The following PCNX1 variants were observed in gnomAD, a reference collection of about 807,000 sequenced individuals.
PCNX1 encodes the protein pecanex-like protein 1.
PCNX1 carries 78 observed loss-of-function variants against 242.2 expected under a neutral mutation model. That is an observed-to-expected ratio of 0.32 (90% CI 0.27 to 0.39). The LOEUF is 0.39. Ranked by LOEUF, PCNX1 falls within the 10% of genes least tolerant of loss-of-function variation. The pLI, the probability that PCNX1 is intolerant of heterozygous loss-of-function variation, is 1.00. For synonymous variants in PCNX1, 1,024 were observed against 1,032.9 expected, an observed-to-expected ratio of 0.99 and a Z score of 0.17; for missense variants, 2,581 against 2,856.5, an observed-to-expected ratio of 0.90 and a Z score of 2.20.
rs1159328654 is a variant in PCNX1, at chr14:70,954,763, T to C, written c.363-7463T>C. ...ATACTTCTTGTTTAATTTTTTTCAC[T>C]GGCTATGATATGTAGCACATGGTTA... On this transcript the variant is annotated intron_variant, in intron 2 of 35. Transcript: ENST00000304743. Among the ~76,000 whole-genome samples the C allele has an allele frequency of 1.3e-5, 2 of 152,214 alleles. 1 individual carries two copies.
At chr14:71,031,569 G>T in intron 16 of PCNX1, 17 of 475,874 alleles carry the variant, frequency 3.6e-5, no homozygotes, top group South Asian at 3.4e-4. Context: ...AACCTCCTGA[G>T]ACAGAAGGGG....
In PCNX1 at chr14:70,977,347, G is replaced by T. The variant is rs749711841; in HGVS notation, c.1010G>T (p.Gly337Val). The stretch of plus-strand genomic sequence containing the variant: ...TTGGTGGAAAATTCTGGTTTATCTG[G>T]GGAATTTCAGCTTGCTGGTGACTTG... Reference protein sequence around the residue: ...ESLVENSGLSGEFQLAGDLKI... With the variant: ...ESLVENSGLSVEFQLAGDLKI... The change falls in exon 6 of 36, where the codon GGG (glycine) becomes GTG (valine). Residue 337 changes from glycine to valine, a missense_variant. By Grantham distance (109) the Gly-to-Val change is moderately radical. Transcript: ENST00000304743. 1 of 1,614,072 alleles carries T rather than the reference G, an allele frequency of 6.2e-7. No individual in the cohort carries two copies. Among genetic ancestry groups the T allele is most frequent in the South Asian group, 1.1e-5 (1 of 91,074 alleles).
chr14:70,959,220 TC>T (rs1285989311), intron 2 of PCNX1, among the ~76,000 whole-genome samples: 1 of 110,018 alleles, frequency 9.1e-6, no homozygotes, highest in Non-Finnish European at 2.3e-5. Flanking sequence ...GTTCCTGTTA[TC>T]TTTTTTTTTT....
chr14:71,106,466 G>A (rs946460872), intron 33 of PCNX1, among the ~76,000 whole-genome samples: 2 of 151,758 alleles, frequency 1.3e-5, no homozygotes, highest in African/African-American at 4.8e-5. Flanking sequence ...ATAGGTTAGA[G>A]ACTTTAAAAA....
chr14:70,909,937 G>C (rs1272463181), intron 1 of PCNX1, among the ~76,000 whole-genome samples: 7 of 151,826 alleles, frequency 4.6e-5, no homozygotes, highest in African/African-American at 1.5e-4. Context: ...AGTACATGCG[G>C]TTAGCATGAC....
At chr14:70,969,375 G>A (rs1047317207) in intron 5 of PCNX1, 39 of 299,744 alleles carry the variant, frequency 1.3e-4, no homozygotes, top group African/African-American at 7.4e-4. Context: ...TATGAGATGG[G>A]AGATAAGAAT....
Position 70,907,956 on chromosome 14 carries a change from C to T in PCNX1, c.106C>T (p.Leu36Phe), listed in dbSNP as rs755503492. Residue 36 changes from leucine (L) to phenylalanine (F), a missense_variant, in exon 1 of 36, where the codon CTC (leucine) becomes TTC (phenylalanine). By Grantham distance (22) the Leu-to-Phe change is conservative. This residue lies in a region of PCNX1 where 1,204 missense variants were observed against 1,216.7 expected (regional missense o/e 0.99). Transcript: ENST00000304743. The part of the protein sequence containing the change: ...HQATFVNALH[L>F]YLWLFLLGLP... The stretch of plus-strand genomic sequence containing the variant: ...GGCCACCTTCGTGAACGCGCTGCAC[C>T]TCTACCTGTGGCTCTTTCTGCTGGG... 3 of 1,598,384 alleles carry T rather than the reference C, an allele frequency of 1.9e-6. No individual in the cohort carries two copies. Among genetic ancestry groups the T allele is most frequent in the Non-Finnish European group, 2.6e-6 (3 of 1,173,660 alleles).
Position 70,977,271 on chromosome 14 carries a change from C to T in PCNX1, c.934C>T (p.Pro312Ser), listed in dbSNP as rs963548088. ...PLYQQRRGLD[P>S]VSELESSKPL... ...TTATCAGCAAAGACGTGGATTAGAT[C>T]CAGTTAGTGAGTTAGAATCTTCCAA... Residue 312 changes from proline (P) to serine (S), a missense_variant, in exon 6 of 36, where the codon CCA (proline) becomes TCA (serine). Transcript: ENST00000304743. 3.1e-6 allele frequency: 5 copies of T among 1,614,018 alleles called. No homozygotes were observed. In the African/African-American group the frequency reaches 6.7e-5, roughly 22 times the overall value.
chr14:70,989,728 T>C (rs1566666152), intron 7 of PCNX1, among the ~76,000 whole-genome samples: 1 of 151,966 alleles, frequency 6.6e-6, no homozygotes, highest in Admixed American at 6.6e-5. Flanking sequence ...AGGGTTTTTT[T>C]GCCTTGTTGG....
chr14:71,022,484 A>G (rs546996566), intron 12 of PCNX1, among the ~76,000 whole-genome samples: 1 of 152,314 alleles, frequency 6.6e-6, no homozygotes, highest in East Asian at 1.9e-4. Context: ...AATCTAGCCA[A>G]GGGCCAAATG....
In PCNX1 at chr14:71,057,847, A is replaced by G. The variant is rs574147509; in HGVS notation, c.4852+123A>G. The G allele has an allele frequency of 4.9e-5, 35 of 719,116 alleles. 2 individuals carry two copies. The Middle Eastern group carries it at 1.9e-3, about 40-fold the overall frequency. 44.5% of individuals were successfully genotyped at this position (719,116 alleles called of 1,614,324 possible). On this transcript the variant is annotated intron_variant, in intron 26 of 35. Coordinates refer to ENST00000304743, the MANE Select transcript of PCNX1 (RefSeq NM_014982.3). ...ATATTTGGGATTGTGGAATGAGAAAAGTTGTTAAAGAGTAAGTATTAGATT... is the reference window on the plus strand; with the variant it reads ...ATATTTGGGATTGTGGAATGAGAAAGGTTGTTAAAGAGTAAGTATTAGATT...
At position 71,114,076 on chromosome 14, in the gene PCNX1, TGTG is replaced by T. The variant is rs758875895; in HGVS notation, c.*4144_*4146del. 6 of 152,232 alleles carry T rather than the reference TGTG, an allele frequency of 3.9e-5. No homozygotes were observed. In the East Asian group the frequency reaches 7.7e-4, roughly 19 times the overall value. The allele number at this position is 152,232 out of a possible 1,614,324, so 9.4% of individuals were successfully genotyped here. The stretch of plus-strand genomic sequence containing the variant: ...AGATAATAACGTCAGTCAAGGCTAA[TGTG>T]GTACATGGAACTTGCTAATGGAGGT... On this transcript the variant is annotated 3_prime_UTR_variant, in exon 36 of 36. Transcript: ENST00000304743.
chr14:70,933,332 A>C (rs2056875994), intron 1 of PCNX1, among the ~76,000 whole-genome samples: 1 of 152,166 alleles, frequency 6.6e-6, no homozygotes, highest in South Asian at 2.1e-4. Flanking sequence ...TAGAGAAGAA[A>C]ATAATTTTTC....
chr14:71,017,045 A>G (rs1359938332), intron 11 of PCNX1, among the ~76,000 whole-genome samples: 1 of 152,228 alleles, frequency 6.6e-6, no homozygotes, highest in African/African-American at 2.4e-5. Context: ...AATGTGAGTT[A>G]TGATATCACT....
At chr14:70,961,064 C>A (rs1356754326) in intron 2 of PCNX1, among the ~76,000 whole-genome samples, 3 of 152,114 alleles carry the variant, frequency 2.0e-5, no homozygotes, top group South Asian at 2.1e-4. Flanking sequence ...TAGGAAGAAT[C>A]AATATCGTGA....
Position 71,103,532 on chromosome 14 carries a change from T to A in PCNX1, c.5958T>A (p.Asp1986Glu). ...ALRNMINSSC[D>E]QPIGYPIFVS... is the part of the protein sequence containing the mutation. ...GAAACATGATAAACTCATCTTGTGATCAACCTATTGGCTACCCAATCTTTG... is the reference window on the plus strand; with the variant it reads ...GAAACATGATAAACTCATCTTGTGAACAACCTATTGGCTACCCAATCTTTG... The change falls in exon 32 of 36, where the codon GAT (aspartate) becomes GAA (glutamate). Residue 1986 changes from aspartate to glutamate, a missense_variant. Physicochemically the swap from Asp to Glu is conservative, Grantham distance 45 (BLOSUM62 2). Coordinates refer to ENST00000304743, the MANE Select transcript of PCNX1 (RefSeq NM_014982.3). The A allele has an allele frequency of 6.2e-7, 1 of 1,614,176 alleles. No homozygotes were observed. Among genetic ancestry groups the A allele is most frequent in the Non-Finnish European group, 8.5e-7 (1 of 1,180,014 alleles).
intron 6 of PCNX1, among the ~76,000 whole-genome samples, chr14:70,984,218 C>A (rs72724338): frequency 6.6e-6 from 1 of 151,238 alleles, no homozygotes; most frequent in East Asian, 1.9e-4. Context: ...TTTCCCCCCA[C>A]GATAAACATT....
rs191816907 is a variant in PCNX1 at position 70,926,289 on chromosome 14, T to A, written c.153+18286T>A. On this transcript the variant is annotated intron_variant, in intron 1 of 35. Transcript: ENST00000304743. ...TTTCACTTACTGGTCTAATGTGGGG[T>A]TCTTTCCTTGCTGTGCTTATATCAG... 5.2e-3 allele frequency among the ~76,000 whole-genome samples: 797 copies of A among 152,078 alleles called. 3 individuals carry two copies. The highest frequency in any genetic ancestry group is 8.2e-3 in the Non-Finnish European group (560 of 67,990).
In PCNX1 at chr14:70,951,706, A is replaced by G. The variant is rs115966799; in HGVS notation, c.362+4583A>G. On this transcript the variant is annotated intron_variant, in intron 2 of 35. Coordinates refer to ENST00000304743, the MANE Select transcript of PCNX1 (RefSeq NM_014982.3). ...GATATTATTTTGATTATTCTCATGCATATACTTACTTTTGTGAGATATCTT... is the reference window on the plus strand; with the variant it reads ...GATATTATTTTGATTATTCTCATGCGTATACTTACTTTTGTGAGATATCTT... Among the ~76,000 whole-genome samples the G allele has an allele frequency of 8.5e-3, 1,296 of 152,136 alleles. 21 individuals carry two copies. Among genetic ancestry groups the G allele is most frequent in the African/African-American group, 0.03 (1,249 of 41,446 alleles).
Sources: gnomAD v4.1 joint callset for allele counts (sites outside exome capture counted in the v4.1 genomes callset) on GRCh38, gnomAD v4.1.1 for gene constraint, gnomAD v4.1.1 regional missense constraint, MANE v1.5 for transcripts, NCBI Gene and HGNC (gene_info 2026-07-23, HGNC 2026-07-21) for gene names.